Variants in SLA observed in about 807,000 individuals in gnomAD.
The protein encoded by SLA is src-like-adapter.
Under a neutral mutation model 30.3 loss-of-function variants are expected in SLA, and 16 were observed. That is an observed-to-expected ratio of 0.53 (90% CI 0.36 to 0.80). SLA has a LOEUF of 0.80. SLA is among the 30% of genes least tolerant of loss of function. The pLI, the probability that SLA is intolerant of heterozygous loss-of-function variation, is 0.01. For missense variants in SLA, 310 were observed against 345.2 expected, an observed-to-expected ratio of 0.90 and a Z score of 0.81; for synonymous variants, 143 against 137.8, an observed-to-expected ratio of 1.04 and a Z score of -0.26.
intron 2 of SLA, among the ~76,000 whole-genome samples, chr8:133,066,252 G>A (rs1378741985): frequency 2.1e-5 from 3 of 144,562 alleles, no homozygotes; most frequent in African/African-American, 7.8e-5. Context: ...CGTGAACCCA[G>A]AAGGCAGAGC....
At position 133,095,052 on chromosome 8, in the gene SLA, C is replaced by T. The variant is rs774676063; in HGVS notation, c.-319+7501G>A. On this transcript the variant is annotated intron_variant, in intron 1 of 8. Transcript: ENST00000338087. Reference sequence around the variant, plus strand: ...CCTGCTTTCTCTTCCAGGGAGGCTCCGCACTCTCCCCGGCCGCCGTCATCA... The same window carrying T: ...CCTGCTTTCTCTTCCAGGGAGGCTCTGCACTCTCCCCGGCCGCCGTCATCA... 97 of 1,613,544 alleles carry T rather than the reference C, an allele frequency of 6.0e-5. No homozygotes were observed. The highest frequency in any genetic ancestry group is 1.8e-4 in the Middle Eastern group (1 of 5,646).
intron 1 of SLA, among the ~76,000 whole-genome samples, chr8:133,077,302 G>A (rs907006280): frequency 6.6e-6 from 1 of 152,116 alleles, no homozygotes; most frequent in Non-Finnish European, 1.5e-5. Flanking sequence ...AAGGGGTCCC[G>A]TTCACAGGAG....
intron 1 of SLA, among the ~76,000 whole-genome samples, chr8:133,091,542 G>A (rs983753061): frequency 6.6e-6 from 1 of 152,106 alleles, no homozygotes; most frequent in African/African-American, 2.4e-5. Context: ...ATGCTGCAGG[G>A]TCCATTTCAA....
chr8:133,069,766 T>G (rs1843673416), intron 2 of SLA, among the ~76,000 whole-genome samples: 1 of 151,894 alleles, frequency 6.6e-6, no homozygotes, highest in Admixed American at 6.6e-5. Context: ...TTTAGGAGGC[T>G]GAGGCAGGCG....
intron 1 of SLA, among the ~76,000 whole-genome samples, chr8:133,092,373 A>G (rs1051185314): frequency 5.3e-5 from 8 of 152,356 alleles, no homozygotes; most frequent in African/African-American, 1.9e-4. Context: ...TAAAAAAACA[A>G]CAGCCAGTGG....
At chr8:133,062,243 C>G (rs921036525) in intron 2 of SLA, among the ~76,000 whole-genome samples, 2 of 152,164 alleles carry the variant, frequency 1.3e-5, no homozygotes, top group East Asian at 3.9e-4. Flanking sequence ...CATGCGCACC[C>G]AAAATCCCAG....
At chr8:133,058,244 G>C (rs1841821014) in intron 3 of SLA, among the ~76,000 whole-genome samples, 1 of 152,112 alleles carries the variant, frequency 6.6e-6, no homozygotes, top group African/African-American at 2.4e-5. Flanking sequence ...AACGTTTCAG[G>C]GCTGGGGGTT....
intron 1 of SLA, among the ~76,000 whole-genome samples, chr8:133,085,194 C>T (rs147224008): frequency 2.5e-4 from 38 of 152,276 alleles, no homozygotes; most frequent in African/African-American, 8.9e-4. Flanking sequence ...CTCTCTAGGA[C>T]AGGTTAGCAG....
intron 7 of SLA, 168 bp from the exon 8 acceptor site, chr8:133,040,298 G>C (rs1837975412): frequency 2.9e-6 from 2 of 695,058 alleles, no homozygotes; most frequent in Admixed American, 5.6e-5. Flanking sequence ...AAAGTCACGC[G>C]CCCAGCTGTT....
In SLA at chr8:133,046,001, G is replaced by A. The variant is rs146584604; in HGVS notation, c.353-886C>T. 9.0e-3 allele frequency among the ~76,000 whole-genome samples: 1,367 copies of A among 152,174 alleles called. 21 individuals are homozygous for A. Among genetic ancestry groups the A allele is most frequent in the African/African-American group, 0.031 (1,278 of 41,508 alleles). On this transcript the variant is annotated intron_variant, in intron 6 of 8. Coordinates refer to ENST00000338087, the MANE Select transcript of SLA (RefSeq NM_001045556.3). The stretch of plus-strand genomic sequence containing the variant: ...CTGGAGAAGCTGAGTCATCTTTCTG[G>A]GTATCCGTAAGAACCACGTGAAAGG...
At chr8:133,069,566 G>C (rs189912219) in intron 2 of SLA, among the ~76,000 whole-genome samples, 7 of 152,254 alleles carry the variant, frequency 4.6e-5, no homozygotes, top group Non-Finnish European at 1.0e-4. Flanking sequence ...ACAATTCGAC[G>C]GTCATTTGTG....
chr8:133,041,744 T>C (rs904363111), intron 7 of SLA, among the ~76,000 whole-genome samples: 1 of 151,114 alleles, frequency 6.6e-6, no homozygotes, highest in African/African-American at 2.4e-5. Flanking sequence ...GCTAGCCTCG[T>C]ACCCTGGATC....
intron 1 of SLA, chr8:133,076,773 A>AC (rs957869531): frequency 6.6e-6 from 1 of 151,570 alleles, no homozygotes; most frequent in East Asian, 1.9e-4. Flanking sequence ...AAAAAAAAAA[A>AC]AAAAAACAAC....
At chr8:133,096,868 G>A (rs1341360199) in intron 1 of SLA, among the ~76,000 whole-genome samples, 1 of 152,220 alleles carries the variant, frequency 6.6e-6, no homozygotes, top group Non-Finnish European at 1.5e-5. Flanking sequence ...GCTTTGTGTG[G>A]CTTGCTGGAG....
intron 2 of SLA, among the ~76,000 whole-genome samples, chr8:133,061,639 C>T (rs756391632): frequency 8.5e-5 from 13 of 152,200 alleles, no homozygotes; most frequent in South Asian, 2.1e-4. Context: ...AGAGAAGAGA[C>T]GGAACAGGGT....
chr8:133,059,259 G>A (rs776556895), intron 3 of SLA: 31 of 393,536 alleles, frequency 7.9e-5, no homozygotes, highest in African/African-American at 5.8e-4. Flanking sequence ...AGTGTTCCAA[G>A]GTGCCCCCTG....
chr8:133,093,930 G>A (rs375948077), intron 1 of SLA, among the ~76,000 whole-genome samples: 14 of 152,158 alleles, frequency 9.2e-5, no homozygotes, highest in Non-Finnish European at 1.8e-4. Flanking sequence ...TGAGTTTGTC[G>A]GAGCCCTCAA....
chr8:133,069,183 G>A (rs1843564096), intron 2 of SLA, among the ~76,000 whole-genome samples: 1 of 152,264 alleles, frequency 6.6e-6, no homozygotes, highest in African/African-American at 2.4e-5. Context: ...CAGGCTTCTA[G>A]GCACAGGGAC....
At position 133,095,298 on chromosome 8, in the gene SLA, C is replaced by T. The variant is rs189685854; in HGVS notation, c.-319+7255G>A. On this transcript the variant is annotated intron_variant, in intron 1 of 8. Coordinates refer to ENST00000338087, the MANE Select transcript of SLA (RefSeq NM_001045556.3). ...CCTAGGAAGGAGGTGTCACCCACCCCAGCCATACCACACATGAGGCTGATG... is the reference window on the plus strand; with the variant it reads ...CCTAGGAAGGAGGTGTCACCCACCCTAGCCATACCACACATGAGGCTGATG... 377 of 1,566,606 alleles carry T rather than the reference C, an allele frequency of 2.4e-4. No individual in the cohort carries two copies. The African/African-American group carries it at 4.7e-3, about 20-fold the overall frequency.
Sources: allele counts gnomAD v4.1 joint callset (sites outside exome capture counted in the v4.1 genomes callset), GRCh38; gene constraint gnomAD v4.1.1; transcripts MANE v1.5; gene names NCBI Gene and HGNC (gene_info 2026-07-23, HGNC 2026-07-21).